Variants in PPARGC1A observed in about 807,000 individuals in gnomAD.
PPARGC1A encodes peroxisome proliferator-activated receptor gamma coactivator 1-alpha.
A neutral mutation model predicts 88.7 loss-of-function variants in PPARGC1A; 25 were observed. That is an observed-to-expected ratio of 0.28 (90% CI 0.21 to 0.39). The LOEUF is 0.39. Ranked by LOEUF, PPARGC1A falls within the 10% of genes least tolerant of loss-of-function variation. The probability of loss-of-function intolerance (pLI) is 1.00; values close to 1 mark genes in which losing one functional copy is unlikely to be tolerated. For missense variants in PPARGC1A, 880 were observed against 968.7 expected, an observed-to-expected ratio of 0.91 and a Z score of 1.22; for synonymous variants, 363 against 355.6, an observed-to-expected ratio of 1.02 and a Z score of -0.24.
chr4:24,060,732 G>A, the PPARGC1A span, among the ~76,000 whole-genome samples: 1 of 152,148 alleles, frequency 6.6e-6, no homozygotes, highest in East Asian at 1.9e-4. Flanking sequence ...CTTTGTGCTA[G>A]GTGAAAGGGA....
At chr4:23,844,835 T>TATATGATATATATTATTATAAA (rs1727983995) in intron 2 of PPARGC1A, among the ~76,000 whole-genome samples, 1 of 126,930 alleles carries the variant, frequency 7.9e-6, no homozygotes, top group African/African-American at 3.0e-5. Context: ...ATTATTATAA[T>TATATGATATATATTATTATAAA]ATATGATATA....
chr4:24,199,740 C>T, the PPARGC1A span, among the ~76,000 whole-genome samples: 26 of 152,216 alleles, frequency 1.7e-4, no homozygotes, highest in Admixed American at 1.4e-3. Flanking sequence ...TATACAGAAG[C>T]GGTCATTCCC....
the PPARGC1A span, among the ~76,000 whole-genome samples, chr4:24,445,603 G>A: frequency 1.3e-5 from 2 of 152,168 alleles, no homozygotes; most frequent in African/African-American, 4.8e-5. Context: ...GTATTTCAGA[G>A]GGTAAGTCAA....
At chr4:24,393,062 C>T in the PPARGC1A span, among the ~76,000 whole-genome samples, 3 of 151,512 alleles carry the variant, frequency 2.0e-5, no homozygotes, top group African/African-American at 7.3e-5. Context: ...TTTTTCTGGC[C>T]TTTCTTTGGC....
At chr4:24,122,373 GTGTGTATGCGTA>G in the PPARGC1A span, among the ~76,000 whole-genome samples, 2 of 149,742 alleles carry the variant, frequency 1.3e-5, no homozygotes, top group African/African-American at 4.9e-5. Context: ...ATGCGTATGT[GTGTGTATGCGTA>G]TGTGTGTGTG....
the PPARGC1A span, among the ~76,000 whole-genome samples, chr4:23,948,537 T>C: frequency 6.6e-6 from 1 of 152,226 alleles, no homozygotes; most frequent in East Asian, 1.9e-4. Context: ...AACCTTTGGT[T>C]TCTCTCTAGG....
chr4:24,134,142 C>A, the PPARGC1A span, among the ~76,000 whole-genome samples: 2 of 152,198 alleles, frequency 1.3e-5, no homozygotes, highest in African/African-American at 4.8e-5. Context: ...CCATCTTAGA[C>A]CATTCCTTCC....
At chr4:24,029,475 A>C in the PPARGC1A span, among the ~76,000 whole-genome samples, 1 of 152,206 alleles carries the variant, frequency 6.6e-6, no homozygotes, top group Non-Finnish European at 1.5e-5. Flanking sequence ...TCCGGATTGG[A>C]AATCTCAGAT....
At chr4:24,248,694 G>A in the PPARGC1A span, among the ~76,000 whole-genome samples, 1 of 152,194 alleles carries the variant, frequency 6.6e-6, no homozygotes, top group African/African-American at 2.4e-5. Flanking sequence ...AAATGAAGAC[G>A]CTACCTACAT....
the PPARGC1A span, among the ~76,000 whole-genome samples, chr4:24,339,899 C>T: frequency 1.3e-5 from 2 of 152,028 alleles, no homozygotes; most frequent in African/African-American, 4.8e-5. Context: ...CCACCACCCC[C>T]GGCTAATTTT....
the PPARGC1A span, among the ~76,000 whole-genome samples, chr4:23,916,421 C>T: frequency 6.6e-6 from 1 of 152,112 alleles, no homozygotes; most frequent in Non-Finnish European, 1.5e-5. Flanking sequence ...CAATGAGAAC[C>T]ACCATTAGCA....
chr4:24,397,647 G>A, the PPARGC1A span, among the ~76,000 whole-genome samples: 2 of 152,174 alleles, frequency 1.3e-5, no homozygotes, highest in Non-Finnish European at 2.9e-5. Flanking sequence ...CATCTTGGTT[G>A]TTGAGGTGGT....
the PPARGC1A span, among the ~76,000 whole-genome samples, chr4:24,349,493 G>A: frequency 6.6e-6 from 1 of 152,258 alleles, no homozygotes; most frequent in African/African-American, 2.4e-5. Context: ...TGTGGGGAAT[G>A]GGGATGAGAT....
the PPARGC1A span, among the ~76,000 whole-genome samples, chr4:24,127,249 A>G: frequency 1.3e-5 from 2 of 152,000 alleles, no homozygotes; most frequent in Non-Finnish European, 2.9e-5. Context: ...ACCATCCACC[A>G]TTAGCTGCCA....
chr4:24,314,231 C>T, the PPARGC1A span, among the ~76,000 whole-genome samples: 1 of 152,148 alleles, frequency 6.6e-6, no homozygotes, highest in Non-Finnish European at 1.5e-5. Flanking sequence ...TCTTTGAAGT[C>T]TGTGCTATGG....
chr4:24,036,806 C>T, the PPARGC1A span, among the ~76,000 whole-genome samples: 1 of 152,152 alleles, frequency 6.6e-6, no homozygotes. Flanking sequence ...ATGCAAATAT[C>T]CTTTCAGCTG....
chr4:24,419,617 T>C, the PPARGC1A span, among the ~76,000 whole-genome samples: 1 of 151,786 alleles, frequency 6.6e-6, no homozygotes, highest in Admixed American at 6.6e-5. Flanking sequence ...CAGTGCCACC[T>C]AGCGGCCAGG....
chr4:23,929,297 T>C, the PPARGC1A span, among the ~76,000 whole-genome samples: 1 of 152,138 alleles, frequency 6.6e-6, no homozygotes, highest in Non-Finnish European at 1.5e-5. Flanking sequence ...ATGCTATATG[T>C]GGTAGAAGGA....
chr4:23,881,076 T>G (rs903804580), intron 2 of PPARGC1A: 1 of 152,226 alleles, frequency 6.6e-6, no homozygotes, highest in African/African-American at 2.4e-5. Context: ...GCCATCCATC[T>G]TTACAGACTG....
Sources: gnomAD v4.1 joint callset for allele counts (sites outside exome capture counted in the v4.1 genomes callset) on GRCh38, gnomAD v4.1.1 for gene constraint, MANE v1.5 for transcripts, NCBI Gene and HGNC (gene_info 2026-07-23, HGNC 2026-07-21) for gene names.